Variants in PPL observed in about 807,000 individuals in gnomAD.
PPL encodes periplakin.
A neutral mutation model predicts 194.4 loss-of-function variants in PPL; 198 were observed. The observed-to-expected ratio is 1.02, with a 90% CI of 0.91 to 1.15. The LOEUF (loss-of-function observed/expected upper bound fraction) is 1.15, where lower values mean the gene tolerates loss of function less well. Ranked by LOEUF, PPL falls within the 50% of genes most tolerant of loss-of-function variation. The pLI is 0.00. For missense variants in PPL, 2,885 were observed against 2,294.8 expected (o/e 1.26, Z -5.25); for synonymous variants, 1,220 against 972.4 (o/e 1.25, Z -4.74).
At chr16:4,929,600 G>A (rs1178480244) in intron 1 of PPL, among the ~76,000 whole-genome samples, 1 of 152,196 alleles carries the variant, frequency 6.6e-6, no homozygotes, top group African/African-American at 2.4e-5. Context: ...TTTCTAAAAA[G>A]GAAGAGAAAT....
At chr16:4,887,975 A>G (rs2088245398) in intron 20 of PPL, 127 bp downstream of exon 20, 2 of 693,302 alleles carry the variant, frequency 2.9e-6, no homozygotes, top group South Asian at 1.7e-5. Context: ...TGCATGCAGG[A>G]GGGCTCTCAG....
Position 4,884,948 on chromosome 16 carries a change from A to G in PPL, c.3707T>C (p.Ile1236Thr). The change falls in exon 22 of 22, where the codon ATT (isoleucine) becomes ACT (threonine). Residue 1236 changes from isoleucine to threonine, a missense_variant. Physicochemically the swap from Ile to Thr is moderately conservative, Grantham distance 89. Transcript: ENST00000345988. The surrounding 1 kb of genome is among the most constrained non-coding windows in gnomAD (Gnocchi z 5.7). ...CATCTCAGGGTCAGTCTTGTACTTA[A>G]TGACTTCCTTAGTCACCTCTTTGAC... ...VEVKEVTKEV[I>T]KYKTDPEMEK... The G allele has an allele frequency of 6.2e-7, 1 of 1,614,066 alleles. No individual in the cohort carries two copies. The highest frequency in any genetic ancestry group is 1.1e-5 in the South Asian group (1 of 91,084).
At chr16:4,904,262 C>T (rs1451918019) in intron 2 of PPL, among the ~76,000 whole-genome samples, 2 of 152,190 alleles carry the variant, frequency 1.3e-5, no homozygotes, top group Non-Finnish European at 2.9e-5. Flanking sequence ...TTCTCTTATG[C>T]CCCCTCCAGC....
rs765155809 is a variant in PPL, at chr16:4,883,759, C to A, written c.4896G>T (p.Glu1632Asp). 1.9e-6 allele frequency: 3 copies of A among 1,614,098 alleles called. No individual in the cohort carries two copies. In the South Asian group the frequency reaches 3.3e-5, roughly 18 times the overall value. The change falls in exon 22 of 22, where the codon GAG (glutamate) becomes GAT (aspartate). Residue 1632 changes from glutamate (E) to aspartate (D), a missense_variant. By Grantham distance (45) the Glu-to-Asp change is conservative. Transcript: ENST00000345988. The surrounding 1 kb of genome is among the most constrained non-coding windows in gnomAD (Gnocchi z 4.8). ...LKRLSKDKDLEIDELQKRLGS... is the reference protein window; with the variant it reads ...LKRLSKDKDLDIDELQKRLGS... Reference sequence around the variant, plus strand: ...CCAGGCGCTTCTGCAGCTCGTCGATCTCGAGGTCTTTGTCCTTGGAGAGCC... The same window carrying A: ...CCAGGCGCTTCTGCAGCTCGTCGATATCGAGGTCTTTGTCCTTGGAGAGCC...
chr16:4,916,032 A>G (rs560250920), intron 1 of PPL, among the ~76,000 whole-genome samples: 1 of 152,316 alleles, frequency 6.6e-6, no homozygotes, highest in Non-Finnish European at 1.5e-5. Flanking sequence ...TACAATGGCT[A>G]TAATAAAAAA....
At chr16:4,892,479 C>T (rs2088338892) in intron 14 of PPL, among the ~76,000 whole-genome samples, 1 of 152,238 alleles carries the variant, frequency 6.6e-6, no homozygotes, top group African/African-American at 2.4e-5. Context: ...GTCCTCAGCA[C>T]TGCACGCGGA....
intron 3 of PPL, among the ~76,000 whole-genome samples, chr16:4,903,259 G>A (rs2088613558): frequency 6.6e-6 from 1 of 152,058 alleles, no homozygotes; most frequent in Admixed American, 6.5e-5. Context: ...AAAATGAACT[G>A]GGAGTCGTGA....
chr16:4,883,597 C>T lies in PPL; in HGVS notation c.5058G>A (p.Val1686=). ...RAGLIDWNMF[V]KLRSQECDWE... ...AGTCGCACTCCTGGCTTCTGAGTTT[C>T]ACGAACATGTTCCAGTCAATGAGCC... The change falls in exon 22 of 22, where the codon GTG becomes GTA. Residue 1686 remains valine, a synonymous_variant. Coordinates refer to ENST00000345988, the MANE Select transcript of PPL (RefSeq NM_002705.5). The surrounding 1 kb of genome is among the most constrained non-coding windows in gnomAD (Gnocchi z 4.8). 6.2e-7 allele frequency: 1 copy of T among 1,614,182 alleles called. No homozygotes were observed. The highest frequency in any genetic ancestry group is 2.2e-5 in the East Asian group (1 of 44,874).
intron 6 of PPL, 91 bp from the exon 7 acceptor site, chr16:4,899,475 C>CTGGCCTGAGGACCAGCCCAGCTATGGG: frequency 1.4e-6 from 1 of 709,076 alleles, no homozygotes; most frequent in Non-Finnish European, 2.3e-6. Flanking sequence ...CCAGCTATGG[C>CTGGCCTGAGGACCAGCCCAGCTATGGG]TGGCCTGAGG....
In PPL at chr16:4,894,597, T is replaced by C; in HGVS notation, c.1264A>G (p.Ser422Gly). The change falls in exon 12 of 22, where the codon AGC (serine) becomes GGC (glycine). Residue 422 changes from serine to glycine, a missense_variant. Coordinates refer to ENST00000345988, the MANE Select transcript of PPL (RefSeq NM_002705.5). Reference protein sequence around the residue: ...GEQGLISRGYSYTLQKNNGES... With the variant: ...GEQGLISRGYGYTLQKNNGES... ...CCGTTGTTCTTCTGCAGGGTGTAGC[T>C]GTAGCCCCGCGAGATCAGGCCCTGG... The C allele has an allele frequency of 6.2e-7, 1 of 1,613,500 alleles. No homozygotes were observed. The highest frequency in any genetic ancestry group is 8.5e-7 in the Non-Finnish European group (1 of 1,179,892).
chr16:4,885,103 C>G lies in PPL; in HGVS notation c.3552G>C (p.Ala1184=). 6.2e-7 allele frequency: 1 copy of G among 1,613,854 alleles called. No homozygotes were observed. The highest frequency in any genetic ancestry group is 8.5e-7 in the Non-Finnish European group (1 of 1,180,030). The change falls in exon 22 of 22, where the codon GCG becomes GCC. Residue 1184 remains alanine, a synonymous_variant. Transcript: ENST00000345988. This position sits in a 1 kb window ranked among gnomAD's most constrained non-coding sequence, Gnocchi z 6.3. ...GGCGGAGGTTCGCCACTTCACTTTC[C>G]GCCTTGGGGTCTGGCCGCACGATCT... ...VREIVRPDPK[A]ESEVANLRLE... is the part of the protein sequence containing the mutation.
Position 4,884,432 on chromosome 16 carries a change from C to T in PPL, c.4223G>A (p.Arg1408His), listed in dbSNP as rs140117389. Residue 1408 changes from arginine (R) to histidine (H), a missense_variant, in exon 22 of 22, where the codon CGC (arginine) becomes CAC (histidine). Physicochemically the swap from Arg to His is conservative, Grantham distance 29. Transcript: ENST00000345988. This position sits in a 1 kb window ranked among gnomAD's most constrained non-coding sequence, Gnocchi z 5.7. Reference protein sequence around the residue: ...ELERQLEELERERQARREAER... With the variant: ...ELERQLEELEHERQARREAER... Reference sequence around the variant, plus strand: ...GGCCTCCCTGCGGGCCTGCCGCTCGCGCTCTAGCTCCTCCAGCTGCCGCTC... The same window carrying T: ...GGCCTCCCTGCGGGCCTGCCGCTCGTGCTCTAGCTCCTCCAGCTGCCGCTC... 2,936 of 1,601,884 alleles carry T rather than the reference C, an allele frequency of 1.8e-3. 5 individuals carry two copies. The highest frequency in any genetic ancestry group is 2.3e-3 in the Non-Finnish European group (2,733 of 1,177,000).
chr16:4,884,144 C>T lies in PPL; in HGVS notation c.4511G>A (p.Ser1504Asn). Residue 1504 changes from serine (S) to asparagine (N), a missense_variant, in exon 22 of 22, where the codon AGT (serine) becomes AAT (asparagine). Coordinates refer to ENST00000345988, the MANE Select transcript of PPL (RefSeq NM_002705.5). The surrounding 1 kb of genome is among the most constrained non-coding windows in gnomAD (Gnocchi z 5.7). ...GGTGTCGCCCTTCTCCACCTGGACA[C>T]TCTCGGAGAGCACCACCTTCTCCTT... ...EVKEKVVLSE[S>N]VQVEKGDTEQ... 1.2e-6 allele frequency: 2 copies of T among 1,613,778 alleles called. No individual in the cohort carries two copies. The highest frequency in any genetic ancestry group is 1.7e-6 in the Non-Finnish European group (2 of 1,180,016).
chr16:4,884,156 A>G lies in PPL; in HGVS notation c.4499T>C (p.Val1500Ala). 1.2e-6 allele frequency: 2 copies of G among 1,613,546 alleles called. No individual in the cohort carries two copies. Among genetic ancestry groups the G allele is most frequent in the Non-Finnish European group, 1.7e-6 (2 of 1,179,944 alleles). Reference protein sequence around the residue: ...LEKAEVKEKVVLSESVQVEKG... With the variant: ...LEKAEVKEKVALSESVQVEKG... Reference sequence around the variant, plus strand: ...CTCCACCTGGACACTCTCGGAGAGCACCACCTTCTCCTTGACCTCCGCCTT... The same window carrying G: ...CTCCACCTGGACACTCTCGGAGAGCGCCACCTTCTCCTTGACCTCCGCCTT... Residue 1500 changes from valine (V) to alanine (A), a missense_variant, in exon 22 of 22, where the codon GTG (valine) becomes GCG (alanine). By Grantham distance (64) the Val-to-Ala change is moderately conservative. Transcript: ENST00000345988. This position sits in a 1 kb window ranked among gnomAD's most constrained non-coding sequence, Gnocchi z 5.7.
At chr16:4,921,475 T>C (rs2089048700) in intron 1 of PPL, among the ~76,000 whole-genome samples, 1 of 152,024 alleles carries the variant, frequency 6.6e-6, no homozygotes, top group Non-Finnish European at 1.5e-5. Flanking sequence ...ACCTGCTTTA[T>C]TGATTGATTG....
At chr16:4,887,986 T>A in intron 20 of PPL, 116 bp downstream of exon 20, 1 of 735,576 alleles carries the variant, frequency 1.4e-6, no homozygotes, top group South Asian at 1.6e-5. Context: ...GGGCTCTCAG[T>A]GGCTTCCCTG....
intron 1 of PPL, among the ~76,000 whole-genome samples, chr16:4,914,248 G>A (rs2088875865): frequency 6.6e-6 from 1 of 152,198 alleles, no homozygotes; most frequent in Non-Finnish European, 1.5e-5. Context: ...CCAGATCAAG[G>A]TTCTGGGGCC....
Position 4,885,226 on chromosome 16 carries a change from C to G in PPL, c.3429G>C (p.Lys1143Asn). The change falls in exon 22 of 22, where the codon AAG becomes AAC. Residue 1143 changes from lysine to asparagine, a missense_variant. Coordinates refer to ENST00000345988, the MANE Select transcript of PPL (RefSeq NM_002705.5). The surrounding 1 kb of genome is among the most constrained non-coding windows in gnomAD (Gnocchi z 6.3). ...TCTTCTCCCTCTGGCTAGCGCGAGC[C>G]TTGGCAGCCTCGTCCTCATATTGGC... ...LTRQYEDEAA[K>N]ARASQREKTE... is the part of the protein sequence containing the mutation. 6.2e-7 allele frequency: 1 copy of G among 1,614,008 alleles called. No homozygotes were observed. Among genetic ancestry groups the G allele is most frequent in the Non-Finnish European group, 8.5e-7 (1 of 1,180,028 alleles).
intron 18 of PPL, 72 bp downstream of exon 18, chr16:4,890,112 A>G (rs931076523): frequency 2.5e-6 from 4 of 1,608,674 alleles, no homozygotes; most frequent in Non-Finnish European, 3.4e-6. Flanking sequence ...TTGGCTCCCC[A>G]GAAAGGGGCT....
Sources: gnomAD v4.1 joint callset for allele counts (sites outside exome capture counted in the v4.1 genomes callset) on GRCh38, gnomAD v4.1.1 for gene constraint, Gnocchi (gnomAD v3.1) non-coding constraint, MANE v1.5 for transcripts, NCBI Gene and HGNC (gene_info 2026-07-23, HGNC 2026-07-21) for gene names.